Variants in DIP2C observed in about 807,000 individuals in gnomAD.
DIP2C encodes DIP2 acetate--CoA ligase C (putative).
In DIP2C, 33 loss-of-function variants were observed where a neutral mutation model predicts 192.4. The observed-to-expected ratio is 0.17, with a 90% CI of 0.13 to 0.23. The LOEUF (loss-of-function observed/expected upper bound fraction) is 0.23, where lower values mean the gene tolerates loss of function less well. DIP2C is among the 10% of genes least tolerant of loss of function. DIP2C has a pLI of 1.00. For synonymous variants in DIP2C, 979 were observed against 864.1 expected (o/e 1.13, Z -2.33); for missense variants, 1,537 against 2,110.1 (o/e 0.73, Z 5.32).
intron 24 of DIP2C, among the ~76,000 whole-genome samples, chr10:350,558 G>A (rs1053765519): frequency 2.0e-5 from 3 of 151,642 alleles, no homozygotes; most frequent in Non-Finnish European, 4.4e-5. Context: ...CTCAAGCAGT[G>A]GGCAACTGGA....
At chr10:339,333 G>T (rs973540083) in intron 29 of DIP2C, among the ~76,000 whole-genome samples, 8 of 151,960 alleles carry the variant, frequency 5.3e-5, no homozygotes, top group African/African-American at 1.9e-4. Context: ...TTTGACTGTT[G>T]CAAGGGCAAT....
In DIP2C at chr10:326,072, G is replaced by A. The variant is rs538957874; in HGVS notation, c.3924+934C>T. On this transcript the variant is annotated intron_variant, in intron 31 of 36. Coordinates refer to ENST00000280886, the MANE Select transcript of DIP2C (RefSeq NM_014974.3). Reference sequence around the variant, plus strand: ...GGTGTGCACCTGTAGTCCCAGCCACGTGGGAGGCTGAGGTGGGAGGGTTGC... The same window carrying A: ...GGTGTGCACCTGTAGTCCCAGCCACATGGGAGGCTGAGGTGGGAGGGTTGC... Among the ~76,000 whole-genome samples, 13 of 152,204 alleles carry A rather than the reference G, an allele frequency of 8.5e-5. No individual in the cohort carries two copies. In the South Asian group the frequency reaches 2.7e-3, roughly 32 times the overall value.
At position 384,065 on chromosome 10, in the gene DIP2C, G is replaced by C; in HGVS notation, c.1838C>G (p.Ser613Cys). The change falls in exon 16 of 37, where the codon TCT becomes TGT. Residue 613 changes from serine (S) to cysteine (C), a missense_variant. Transcript: ENST00000280886. ...GTCCGCCACTATCAGCATTCGCAGA[G>C]AGGAGAGGTTGATGTCTCTCTGATC... is the stretch of plus-strand genomic sequence containing the variant. ...HRDQRDINLSSLRMLIVADGA... is the reference protein window; with the variant it reads ...HRDQRDINLSCLRMLIVADGA... 1.2e-6 allele frequency: 2 copies of C among 1,611,058 alleles called. No individual in the cohort carries two copies. Among genetic ancestry groups the C allele is most frequent in the Non-Finnish European group, 1.7e-6 (2 of 1,179,216 alleles).
chr10:568,777 A>AAAAAC, intron 1 of DIP2C, among the ~76,000 whole-genome samples: 2 of 141,480 alleles, frequency 1.4e-5, no homozygotes, highest in African/African-American at 5.5e-5. Flanking sequence ...AAAAAAAAAA[A>AAAAAC]AAAAAAAAAA....
At chr10:348,278 T>G (rs542978557) in intron 26 of DIP2C, among the ~76,000 whole-genome samples, 1 of 152,362 alleles carries the variant, frequency 6.6e-6, no homozygotes, top group East Asian at 1.9e-4. Flanking sequence ...GCAGGAAACT[T>G]CCACATCTTG....
At chr10:352,352 A>G (rs551167350) in intron 24 of DIP2C, among the ~76,000 whole-genome samples, 1 of 152,352 alleles carries the variant, frequency 6.6e-6, no homozygotes, top group Non-Finnish European at 1.5e-5. Flanking sequence ...GCTGTCCTTT[A>G]TCTTTGATAA....
At chr10:550,727 G>C (rs1241428517) in intron 1 of DIP2C, among the ~76,000 whole-genome samples, 1 of 152,116 alleles carries the variant, frequency 6.6e-6, no homozygotes, top group South Asian at 2.1e-4. Context: ...CTCCCCCTAC[G>C]ATTTTGTGAA....
chr10:671,479 A>G (rs1380433666), intron 1 of DIP2C, among the ~76,000 whole-genome samples: 1 of 120,108 alleles, frequency 8.3e-6, no homozygotes, highest in African/African-American at 3.2e-5. Flanking sequence ...GGACGGAGGA[A>G]ACGCCACAGA....
intron 18 of DIP2C, among the ~76,000 whole-genome samples, chr10:367,410 G>A (rs1960404525): frequency 1.4e-5 from 2 of 146,880 alleles, no homozygotes; most frequent in African/African-American, 2.6e-5. Flanking sequence ...GCGAGACTCC[G>A]TCTCAGAAAA....
intron 1 of DIP2C, among the ~76,000 whole-genome samples, chr10:565,833 C>CAG (rs1207852467): frequency 3.9e-5 from 6 of 152,228 alleles, no homozygotes; most frequent in African/African-American, 1.4e-4. Flanking sequence ...AGGTATGTAA[C>CAG]AGCCTAATAA....
intron 1 of DIP2C, among the ~76,000 whole-genome samples, chr10:578,369 T>C (rs1038440365): frequency 2.0e-5 from 3 of 152,310 alleles, no homozygotes; most frequent in Non-Finnish European, 2.9e-5. Flanking sequence ...TTCTCATTTA[T>C]TGAGCTGAGG....
chr10:542,786 C>T (rs1410624017), intron 1 of DIP2C, among the ~76,000 whole-genome samples: 1 of 151,116 alleles, frequency 6.6e-6, no homozygotes. Flanking sequence ...TACCACAGGT[C>T]ACCAGATCCC....
intron 22 of DIP2C, among the ~76,000 whole-genome samples, chr10:360,063 G>A (rs902659866): frequency 1.3e-5 from 2 of 152,240 alleles, no homozygotes; most frequent in African/African-American, 4.8e-5. Context: ...GGTAGGGAAA[G>A]CGAGCTTTTG....
intron 1 of DIP2C, among the ~76,000 whole-genome samples, chr10:571,398 C>T (rs1016048419): frequency 1.3e-5 from 2 of 152,166 alleles, no homozygotes; most frequent in East Asian, 1.9e-4. Flanking sequence ...CCGCGAGGGT[C>T]GGGAACCGGC....
chr10:287,412 A>C (rs1404421524), intron 33 of DIP2C, among the ~76,000 whole-genome samples: 1 of 152,220 alleles, frequency 6.6e-6, no homozygotes, highest in Non-Finnish European at 1.5e-5. Context: ...TTATGGTAAA[A>C]ACACAGAACG....
intron 1 of DIP2C, among the ~76,000 whole-genome samples, chr10:492,584 G>A (rs1376652341): frequency 6.6e-6 from 1 of 152,166 alleles, no homozygotes; most frequent in African/African-American, 2.4e-5. Flanking sequence ...CACTCTGGGC[G>A]ACAGAGCAAG....
chr10:418,160 G>A (rs1469029284), intron 6 of DIP2C, among the ~76,000 whole-genome samples: 11 of 56,914 alleles, frequency 1.9e-4, no homozygotes, highest in African/African-American at 1.1e-4. Context: ...TCAGAGCTCG[G>A]ACAGGCCTCC....
chr10:582,160 CA>C (rs1000624485), intron 1 of DIP2C, among the ~76,000 whole-genome samples: 8 of 152,200 alleles, frequency 5.3e-5, no homozygotes, highest in Non-Finnish European at 1.0e-4. Context: ...CCCCCTGCTA[CA>C]AAAACCCGGT....
chr10:596,875 G>T (rs1588555171), intron 1 of DIP2C, among the ~76,000 whole-genome samples: 1 of 152,242 alleles, frequency 6.6e-6, no homozygotes, highest in African/African-American at 2.4e-5. Flanking sequence ...GAGCTTTCAA[G>T]CTCACCAAGG....
Sources: allele counts gnomAD v4.1 joint callset (sites outside exome capture counted in the v4.1 genomes callset), GRCh38; gene constraint gnomAD v4.1.1; transcripts MANE v1.5; gene names NCBI Gene and HGNC (gene_info 2026-07-23, HGNC 2026-07-21).